RBM5: variants seen among roughly 807,000 people sequenced by gnomAD.
The protein encoded by RBM5 is RNA binding motif protein 5, also known as RNA-binding protein 5.
A neutral mutation model predicts 124.6 loss-of-function variants in RBM5; 15 were observed. The observed-to-expected ratio is 0.12, with a 90% CI of 0.08 to 0.19. The LOEUF is 0.19. Among genes scored for constraint, RBM5 ranks in the 10% least tolerant of loss-of-function variants. RBM5 has a pLI of 1.00. For missense variants in RBM5, 580 were observed against 1,026.5 expected, an observed-to-expected ratio of 0.57 and a Z score of 5.94; for synonymous variants, 337 against 361.2, an observed-to-expected ratio of 0.93 and a Z score of 0.76.
At chr3:50,109,710 C>A (rs996413553) in intron 15 of RBM5, 22 bp downstream of exon 15, 2 of 1,596,038 alleles carry the variant, frequency 1.3e-6, no homozygotes, top group African/African-American at 2.7e-5. Context: ...GTCCTATATA[C>A]AAAACTCGTG....
At chr3:50,110,533 C>T (rs1258843817) in intron 16 of RBM5, 70 bp downstream of exon 16, 18 of 1,515,578 alleles carry the variant, frequency 1.2e-5, no homozygotes, top group Non-Finnish European at 1.6e-5. Context: ...AATGAGAGTT[C>T]TTCTCCCTTT....
intron 16 of RBM5, 90 bp from the exon 17 acceptor site, chr3:50,110,589 A>AT: frequency 6.9e-7 from 1 of 1,440,064 alleles, no homozygotes; most frequent in Non-Finnish European, 9.7e-7. Flanking sequence ...GAGAAGAAAC[A>AT]TTAGGCCTGC....
In RBM5 at chr3:50,115,942, G is replaced by A; in HGVS notation, c.2056G>A (p.Glu686Lys). 2 of 1,614,058 alleles carry A rather than the reference G, an allele frequency of 1.2e-6. No individual in the cohort carries two copies. The highest frequency in any genetic ancestry group is 8.5e-7 in the Non-Finnish European group (1 of 1,179,914). The change falls in exon 22 of 25, where the codon GAG (glutamate) becomes AAG (lysine). Residue 686 changes from glutamate (E) to lysine (K), a missense_variant. Coordinates refer to ENST00000347869, the MANE Select transcript of RBM5 (RefSeq NM_005778.4). ...CATCTATCGACGATCCAGGCTGAGC[G>A]AGCAGGAGCTGGAAGCCTTGGAGCT... The part of the protein sequence containing the change: ...MDIYRRSRLS[E>K]QELEALELRE...
chr3:50,102,822 C>G, intron 6 of RBM5: 1 of 435,284 alleles, frequency 2.3e-6, no homozygotes. Flanking sequence ...CCGCTGGAGA[C>G]ACGGCCTGGT....
chr3:50,098,124 C>T (rs543565758), intron 4 of RBM5, among the ~76,000 whole-genome samples: 1 of 152,210 alleles, frequency 6.6e-6, no homozygotes, highest in East Asian at 1.9e-4. Context: ...AGTTTATCAT[C>T]AGGCTCTTCA....
intron 8 of RBM5, chr3:50,104,643 C>A: frequency 7.5e-6 from 2 of 265,194 alleles, no homozygotes; most frequent in Non-Finnish European, 1.4e-5. Context: ...CCCTGCCTCT[C>A]AAAAAAAACA....
chr3:50,107,230 T>G, intron 11 of RBM5: 1 of 602,776 alleles, frequency 1.7e-6, no homozygotes, highest in Admixed American at 2.8e-5. Flanking sequence ...CACGGTAAAT[T>G]TCCCTTTTTT....
Position 50,106,707 on chromosome 3 carries a change from G to A in RBM5, c.856-60G>A, listed in dbSNP as rs1051208426. 4.2e-6 allele frequency: 5 copies of A among 1,193,928 alleles called. No individual in the cohort carries two copies. In the African/African-American group the frequency reaches 7.6e-5, roughly 18 times the overall value. 74.0% of individuals were successfully genotyped at this position (1,193,928 alleles called of 1,614,324 possible). ...GAAAACTACTTCTTTGAATGGGGTG[G>A]ATGGTAGGGAGAGATTTTTAATTGC... On this transcript the variant is annotated intron_variant, in intron 10 of 24. Transcript: ENST00000347869.
At chr3:50,105,206 A>G in intron 9 of RBM5, 64 bp downstream of exon 9, 1 of 1,354,698 alleles carries the variant, frequency 7.4e-7, no homozygotes, top group Non-Finnish European at 1.1e-6. Flanking sequence ...CAGGAGATGG[A>G]GACCATCCTG....
chr3:50,106,904 T>C (rs1193901815), intron 11 of RBM5, 40 bp downstream of exon 11: 1 of 1,460,470 alleles, frequency 6.8e-7, no homozygotes. Flanking sequence ...CTACTGCATA[T>C]GCACATTTGT....
chr3:50,091,015 AT>A lies in RBM5; in HGVS notation c.17+567del, dbSNP rs948321866. 7.5e-4 allele frequency among the ~76,000 whole-genome samples: 114 copies of A among 152,344 alleles called. 1 individual carries two copies. Among genetic ancestry groups the A allele is most frequent in the Middle Eastern group, 3.4e-3 (1 of 294 alleles). Reference sequence around the variant, plus strand: ...ATTAGTGGAAAATTAAGATGAGAGCATTTGGCTATTGTGTCACCTATGGGTA... The same window carrying A: ...ATTAGTGGAAAATTAAGATGAGAGCATTGGCTATTGTGTCACCTATGGGTA... On this transcript the variant is annotated intron_variant, in intron 2 of 24. Transcript: ENST00000347869.
intron 4 of RBM5, among the ~76,000 whole-genome samples, chr3:50,096,355 G>T (rs2090815037): frequency 3.3e-5 from 5 of 151,242 alleles, no homozygotes; most frequent in Admixed American, 3.3e-4. Context: ...AGTCTTAATG[G>T]CGCTTGTCTG....
chr3:50,118,879 T>C lies in RBM5; in HGVS notation c.*423T>C, dbSNP rs1221323210. 6.2e-6 allele frequency: 1 copy of C among 160,612 alleles called. No homozygotes were observed. The highest frequency in any genetic ancestry group is 1.4e-5 in the Non-Finnish European group (1 of 73,070). The allele number at this position is 160,612 out of a possible 1,614,324, so 9.9% of individuals were successfully genotyped here. A position where few individuals can be genotyped will look rare whatever the true frequency, so the allele number is the denominator to read the frequency against. On this transcript the variant is annotated 3_prime_UTR_variant, in exon 25 of 25. Transcript: ENST00000347869. ...CAAAAGCCTTGTGTATATTTGTATA[T>C]TACACATTTGTACAGAATTTTGGAA... is the stretch of plus-strand genomic sequence containing the variant.
Position 50,114,166 on chromosome 3 carries a change from C to CA in RBM5, c.1768-14_1768-13insA, listed in dbSNP as rs748025877. ...CTAAAACTTGAGTCTCATGGCTTGT[C>CA]CTCTGTTTCCCAGGGAGCCTTAGCT... On this transcript the variant is annotated splice_polypyrimidine_tract_variant and intron_variant, in intron 19 of 24. Transcript: ENST00000347869. 2.5e-6 allele frequency: 4 copies of CA among 1,614,026 alleles called. No individual in the cohort carries two copies. The South Asian group carries it at 4.4e-5, about 18-fold the overall frequency.
intron 18 of RBM5, 133 bp downstream of exon 18, chr3:50,113,677 A>G (rs1449468023): frequency 1.8e-6 from 2 of 1,126,650 alleles, no homozygotes; most frequent in African/African-American, 3.2e-5. Flanking sequence ...CTAAGTTCTT[A>G]GAGCATTTTG....
chr3:50,117,218 G>A lies in RBM5; in HGVS notation c.2193-32G>A, dbSNP rs750376261. The A allele has an allele frequency of 1.2e-6, 2 of 1,614,198 alleles. No individual in the cohort carries two copies. The highest frequency in any genetic ancestry group is 1.7e-5 in the Admixed American group (1 of 60,026). ...CAGTTCGTAAGCTGGGGCCCTGGCT[G>A]TTTTAAGTAACTGTGTGTTTGCCAC... is the stretch of plus-strand genomic sequence containing the variant. On this transcript the variant is annotated intron_variant, in intron 23 of 24. Coordinates refer to ENST00000347869, the MANE Select transcript of RBM5 (RefSeq NM_005778.4). The surrounding 1 kb of genome is among the most constrained non-coding windows in gnomAD (Gnocchi z 4.2).
chr3:50,091,852 A>G (rs2108983867), intron 2 of RBM5, 191 bp from the exon 3 acceptor site: 1 of 642,182 alleles, frequency 1.6e-6, no homozygotes, highest in Admixed American at 2.3e-5. Context: ...GAGAATTATC[A>G]TTACATTTAG....
Position 50,108,139 on chromosome 3 carries a change from T to A in RBM5, c.1111T>A (p.Tyr371Asn). The A allele has an allele frequency of 2.5e-6, 4 of 1,609,432 alleles. No individual in the cohort carries two copies. Among genetic ancestry groups the A allele is most frequent in the Non-Finnish European group, 3.4e-6 (4 of 1,175,744 alleles). Reference protein sequence around the residue: ...LQPGQDGYAQYAQYSQDYQQF... With the variant: ...LQPGQDGYAQNAQYSQDYQQF... ...ACCAGGTCAAGATGGCTATGCCCAA[T>A]ATGCTCAGGTAGGTAGATTTTAGCA... Residue 371 changes from tyrosine to asparagine, a missense_variant, in exon 13 of 25, where the codon TAT (tyrosine) becomes AAT (asparagine). Tyr to Asn is a moderately radical substitution (Grantham distance 143). Transcript: ENST00000347869.
rs112895164 is a variant in RBM5 at position 50,109,617 on chromosome 3, A to G, written c.1207A>G (p.Thr403Ala). Residue 403 changes from threonine (T) to alanine (A), a missense_variant, in exon 15 of 25, where the codon ACC (threonine) becomes GCC (alanine). By Grantham distance (58) the Thr-to-Ala change is moderately conservative. Around this residue, in one of 6 missense-constraint regions of RBM5, gnomAD observed 104 missense variants for 128.7 expected, o/e 0.81. Coordinates refer to ENST00000347869, the MANE Select transcript of RBM5 (RefSeq NM_005778.4). ...TTTATCATCAGGCACAGCAGTGACC[A>G]CCACCTCAGCGGCTGTAGTGTCCCA... Reference protein sequence around the residue: ...ASSASGTAVTTTSAAVVSQSP... With the variant: ...ASSASGTAVTATSAAVVSQSP... 3 of 1,613,952 alleles carry G rather than the reference A, an allele frequency of 1.9e-6. No homozygotes were observed. The highest frequency in any genetic ancestry group is 2.7e-5 in the African/African-American group (2 of 74,904).
Sources: allele counts gnomAD v4.1 joint callset (sites outside exome capture counted in the v4.1 genomes callset), GRCh38; gene constraint gnomAD v4.1.1; regional missense constraint gnomAD v4.1.1; non-coding constraint Gnocchi (gnomAD v3.1); transcripts MANE v1.5; gene names NCBI Gene and HGNC (gene_info 2026-07-23, HGNC 2026-07-21).